SIPA1L2: variants seen among roughly 807,000 people sequenced by gnomAD.
The protein encoded by SIPA1L2 is signal induced proliferation associated 1 like 2.
In SIPA1L2, 56 loss-of-function variants were observed where a neutral mutation model predicts 163.9. That is an observed-to-expected ratio of 0.34 (90% CI 0.28 to 0.43). The LOEUF (loss-of-function observed/expected upper bound fraction) is 0.43. Ranked by LOEUF, SIPA1L2 falls within the 20% of genes least tolerant of loss-of-function variation. The pLI, the probability that SIPA1L2 is intolerant of heterozygous loss-of-function variation, is 1.00. For synonymous variants in SIPA1L2, 877 were observed against 865.7 expected (o/e 1.01, Z -0.23); for missense variants, 1,974 against 2,193.5 (o/e 0.90, Z 2.00).
At chr1:232,400,902 C>T (rs1225427402) in intron 22 of SIPA1L2, among the ~76,000 whole-genome samples, 4 of 152,172 alleles carry the variant, frequency 2.6e-5, no homozygotes, top group Non-Finnish European at 5.9e-5. Flanking sequence ...TTGACCACCA[C>T]CTCCAGTCTT....
chr1:232,433,203 G>A (rs919976341), intron 15 of SIPA1L2, among the ~76,000 whole-genome samples: 2 of 152,146 alleles, frequency 1.3e-5, no homozygotes, highest in African/African-American at 2.4e-5. Flanking sequence ...ATGAATACAC[G>A]GAATACTCTA....
chr1:232,608,745 A>AG (rs1662095850), intron 1 of SIPA1L2, among the ~76,000 whole-genome samples: 3 of 152,178 alleles, frequency 2.0e-5, no homozygotes, highest in Admixed American at 2.0e-4. Flanking sequence ...ACTCCAACTA[A>AG]GGTAGAGGCA....
rs1218523135 is a variant in SIPA1L2 at position 232,491,028 on chromosome 1, G to C, written c.1652C>G (p.Ala551Gly). 1 of 1,613,798 alleles carries C rather than the reference G, an allele frequency of 6.2e-7. No individual in the cohort carries two copies. The highest frequency in any genetic ancestry group is 1.1e-5 in the South Asian group (1 of 91,008). The change falls in exon 5 of 23, where the codon GCT becomes GGT. Residue 551 changes from alanine to glycine, a missense_variant. By Grantham distance (60) the Ala-to-Gly change is moderately conservative. This residue lies in a region of SIPA1L2 where 288 missense variants were observed against 418.9 expected (regional missense o/e 0.69). Transcript: ENST00000674635. ...ACCATGCCTAGCAGTAGAGGGTATA[G>C]CATCTTCTAAAATTGCTCCTCTCAG... ...TTLRGAILEDAIPSTARHGTA... is the reference protein window; with the variant it reads ...TTLRGAILEDGIPSTARHGTA...
intron 9 of SIPA1L2, chr1:232,462,163 A>AG: frequency 7.0e-7 from 1 of 1,433,268 alleles, no homozygotes; most frequent in South Asian, 1.2e-5. Context: ...ACATTAAAGC[A>AG]CCACTAATGC....
intron 5 of SIPA1L2, among the ~76,000 whole-genome samples, chr1:232,487,636 A>T (rs1665712538): frequency 6.6e-6 from 1 of 152,198 alleles, no homozygotes. Flanking sequence ...TTTAAAAAGG[A>T]AAAATGGGAT....
At chr1:232,559,744 T>G (rs1200045865) in intron 2 of SIPA1L2, among the ~76,000 whole-genome samples, 1 of 152,194 alleles carries the variant, frequency 6.6e-6, no homozygotes, top group African/African-American at 2.4e-5. Flanking sequence ...ATGTAATATA[T>G]TACTTTTAAT....
At chr1:232,549,057 T>C (rs750305686) in intron 2 of SIPA1L2, among the ~76,000 whole-genome samples, 1 of 152,204 alleles carries the variant, frequency 6.6e-6, no homozygotes, top group African/African-American at 2.4e-5. Flanking sequence ...AGGAGGAGCT[T>C]CCCCTTACTG....
At chr1:232,548,724 A>C (rs1243639685) in intron 2 of SIPA1L2, among the ~76,000 whole-genome samples, 2 of 152,114 alleles carry the variant, frequency 1.3e-5, no homozygotes, top group African/African-American at 2.4e-5. Flanking sequence ...TAAACCCCAC[A>C]CTCCAACAGG....
At chr1:232,510,046 G>A (rs1472598332) in intron 3 of SIPA1L2, among the ~76,000 whole-genome samples, 16 of 152,110 alleles carry the variant, frequency 1.1e-4, no homozygotes, top group Non-Finnish European at 1.5e-5. Flanking sequence ...GCAAAGCACA[G>A]TCATGTACCG....
At chr1:232,587,132 A>C (rs1660704948) in intron 1 of SIPA1L2, among the ~76,000 whole-genome samples, 1 of 152,240 alleles carries the variant, frequency 6.6e-6, no homozygotes, top group African/African-American at 2.4e-5. Context: ...AACCCATTTG[A>C]CTTTTTAAAA....
intron 2 of SIPA1L2, among the ~76,000 whole-genome samples, chr1:232,549,667 G>A (rs968927295): frequency 2.6e-5 from 4 of 152,154 alleles, no homozygotes; most frequent in African/African-American, 7.2e-5. Context: ...AAAACTGGGG[G>A]AGGGAGGATT....
intron 1 of SIPA1L2, among the ~76,000 whole-genome samples, chr1:232,610,499 A>T (rs1662181705): frequency 6.6e-6 from 1 of 152,266 alleles, no homozygotes; most frequent in South Asian, 2.1e-4. Flanking sequence ...TTACTTATTT[A>T]TGTAGTGTCT....
intron 10 of SIPA1L2, among the ~76,000 whole-genome samples, chr1:232,453,371 C>T (rs762802587): frequency 6.6e-6 from 1 of 152,202 alleles, no homozygotes; most frequent in Non-Finnish European, 1.5e-5. Context: ...ACAGACTGTG[C>T]AGTCACAGCT....
chr1:232,464,403 AT>A (rs1179105249), intron 9 of SIPA1L2, among the ~76,000 whole-genome samples: 2 of 152,258 alleles, frequency 1.3e-5, no homozygotes, highest in East Asian at 3.8e-4. Flanking sequence ...AATCTGGCAC[AT>A]TAAACAAAAA....
chr1:232,553,060 C>G (rs1347007306), intron 2 of SIPA1L2, among the ~76,000 whole-genome samples: 2 of 152,166 alleles, frequency 1.3e-5, no homozygotes, highest in African/African-American at 4.8e-5. Context: ...GGGTTCTTGT[C>G]TGGAGTCCAG....
intron 6 of SIPA1L2, among the ~76,000 whole-genome samples, chr1:232,481,293 G>A (rs951914608): frequency 6.6e-6 from 1 of 152,174 alleles, no homozygotes; most frequent in African/African-American, 2.4e-5. Flanking sequence ...CTCCTTCAAT[G>A]AATAATGGAC....
At chr1:232,467,484 T>C (rs1664585066) in intron 8 of SIPA1L2, among the ~76,000 whole-genome samples, 1 of 152,080 alleles carries the variant, frequency 6.6e-6, no homozygotes, top group Non-Finnish European at 1.5e-5. Flanking sequence ...CAATCCCCCA[T>C]GTTAACTCTG....
At chr1:232,413,520 T>C (rs1661074017) in intron 19 of SIPA1L2, among the ~76,000 whole-genome samples, 1 of 152,168 alleles carries the variant, frequency 6.6e-6, no homozygotes, top group East Asian at 1.9e-4. Flanking sequence ...GTGATAAATA[T>C]TGTTTGAAAT....
intron 2 of SIPA1L2, among the ~76,000 whole-genome samples, chr1:232,539,282 A>T (rs961596275): frequency 2.6e-5 from 4 of 152,226 alleles, no homozygotes; most frequent in African/African-American, 9.6e-5. Context: ...AGGCCTTGAG[A>T]GGTGCGAAAC....
Sources: gnomAD v4.1 joint callset for allele counts (sites outside exome capture counted in the v4.1 genomes callset) on GRCh38, gnomAD v4.1.1 for gene constraint, gnomAD v4.1.1 regional missense constraint, MANE v1.5 for transcripts, NCBI Gene and HGNC (gene_info 2026-07-23, HGNC 2026-07-21) for gene names.